Variants in ARID4A observed in about 807,000 individuals in gnomAD.
The protein encoded by ARID4A is AT-rich interaction domain 4A.
Under a neutral mutation model 148.6 loss-of-function variants are expected in ARID4A, and 39 were observed. The observed-to-expected ratio is 0.26, with a 90% CI of 0.20 to 0.34. The LOEUF is 0.34. Among genes scored for constraint, ARID4A ranks in the 10% least tolerant of loss-of-function variants. ARID4A has a pLI of 1.00. For synonymous variants in ARID4A, 475 were observed against 481.2 expected, an observed-to-expected ratio of 0.99 and a Z score of 0.17; for missense variants, 1,265 against 1,449.1, an observed-to-expected ratio of 0.87 and a Z score of 2.06.
Position 58,372,223 on chromosome 14 carries a change from C to G in ARID4A, c.*234C>G. ...TGCCATATTTGTCATAATTTTTCCT[C>G]TTTACTTTTGTTTTTCGTTTGTTGT... On this transcript the variant is annotated 3_prime_UTR_variant, in exon 24 of 24. Coordinates refer to ENST00000355431, the MANE Select transcript of ARID4A (RefSeq NM_002892.4). 1 of 418,656 alleles carries G rather than the reference C, an allele frequency of 2.4e-6. No homozygotes were observed. The highest frequency in any genetic ancestry group is 4.3e-6 in the Non-Finnish European group (1 of 232,932). 25.9% of individuals were successfully genotyped at this position (418,656 alleles called of 1,614,324 possible).
At chr14:58,307,816 G>A (rs557013946) in intron 5 of ARID4A, among the ~76,000 whole-genome samples, 13 of 152,230 alleles carry the variant, frequency 8.5e-5, no homozygotes, top group East Asian at 1.9e-4. Context: ...GCAAAACTGC[G>A]TCTCAAAACA....
intron 23 of ARID4A, among the ~76,000 whole-genome samples, chr14:58,369,663 A>G (rs1254145676): frequency 2.0e-5 from 3 of 151,676 alleles, no homozygotes; most frequent in Non-Finnish European, 4.4e-5. Context: ...ATATAAAGAT[A>G]CATATATAAA....
chr14:58,355,447 AAG>A (rs1331090914), intron 17 of ARID4A, among the ~76,000 whole-genome samples: 1 of 152,234 alleles, frequency 6.6e-6, no homozygotes, highest in East Asian at 1.9e-4. Flanking sequence ...TAAGCACAGT[AAG>A]AGATTAACAA....
At chr14:58,371,809 T>G in intron 23 of ARID4A, 77 bp from the exon 24 acceptor site, 1 of 1,073,664 alleles carries the variant, frequency 9.3e-7, no homozygotes. Flanking sequence ...GTTAAGAATT[T>G]TATTTCTAAT....
intron 21 of ARID4A, 45 bp downstream of exon 21, chr14:58,365,667 T>C: frequency 6.5e-7 from 1 of 1,531,232 alleles, no homozygotes; most frequent in Non-Finnish European, 9.0e-7. Context: ...TTAGTATTTT[T>C]AGCAGTTTGT....
intron 11 of ARID4A, among the ~76,000 whole-genome samples, chr14:58,343,290 T>C (rs2034202098): frequency 6.6e-6 from 1 of 152,254 alleles, no homozygotes; most frequent in Admixed American, 6.5e-5. Flanking sequence ...GGTAAAAGTA[T>C]TTTAGTGTTA....
chr14:58,366,783 A>C, intron 22 of ARID4A, 100 bp from the exon 23 acceptor site: 1 of 930,486 alleles, frequency 1.1e-6, no homozygotes, highest in Non-Finnish European at 1.6e-6. Context: ...AATAAACTAA[A>C]GCTTTTGTTG....
In ARID4A at chr14:58,373,443, GAAT is replaced by G. The variant is rs1226780194; in HGVS notation, c.*1460_*1462del. 1.1e-5 allele frequency: 2 copies of G among 180,290 alleles called. No individual in the cohort carries two copies. Among genetic ancestry groups the G allele is most frequent in the East Asian group, 1.8e-4 (2 of 10,936 alleles). The allele number at this position is 180,290 out of a possible 1,614,324, so 11.2% of individuals were successfully genotyped here. Reference sequence around the variant, plus strand: ...CCTTTTCTGTGTTTAATATGCTGTAGAATAATAACCTAGATGCTCTAGACTGTA... The same window carrying G: ...CCTTTTCTGTGTTTAATATGCTGTAGAATAACCTAGATGCTCTAGACTGTA... On this transcript the variant is annotated 3_prime_UTR_variant, in exon 24 of 24. Transcript: ENST00000355431.
At chr14:58,361,571 A>G (rs1352781774) in intron 19 of ARID4A, among the ~76,000 whole-genome samples, 2 of 152,214 alleles carry the variant, frequency 1.3e-5, no homozygotes, top group Non-Finnish European at 2.9e-5. Context: ...ATGACTTACA[A>G]TTAATACAGT....
intron 3 of ARID4A, among the ~76,000 whole-genome samples, chr14:58,303,189 A>G (rs903036094): frequency 6.6e-6 from 1 of 152,218 alleles, no homozygotes; most frequent in Non-Finnish European, 1.5e-5. Flanking sequence ...ATAATTTTAC[A>G]TATTCATGGG....
At chr14:58,362,413 A>G (rs1311332224) in intron 19 of ARID4A, among the ~76,000 whole-genome samples, 3 of 151,950 alleles carry the variant, frequency 2.0e-5, no homozygotes, top group African/African-American at 7.2e-5. Flanking sequence ...ACATAGTGAG[A>G]CCCCATCTTT....
intron 5 of ARID4A, among the ~76,000 whole-genome samples, chr14:58,309,791 G>T (rs1404103427): frequency 9.9e-5 from 15 of 152,184 alleles, no homozygotes; most frequent in Admixed American, 9.8e-4. Context: ...GTAACAAGAA[G>T]TGCTTAAGAT....
chr14:58,304,865 G>A, intron 3 of ARID4A, 79 bp from the exon 4 acceptor site: 3 of 1,179,174 alleles, frequency 2.5e-6, no homozygotes, highest in Non-Finnish European at 3.7e-6. Flanking sequence ...ATAAATTAAA[G>A]ACATTATTGT....
intron 3 of ARID4A, 75 bp from the exon 4 acceptor site, chr14:58,304,869 T>A: frequency 8.2e-7 from 1 of 1,215,842 alleles, no homozygotes; most frequent in Non-Finnish European, 1.2e-6. Context: ...ATTAAAGACA[T>A]TATTGTTATA....
chr14:58,322,963 C>CCAAAAA (rs1491222874), intron 7 of ARID4A, among the ~76,000 whole-genome samples: 17 of 42,236 alleles, frequency 4.0e-4, no homozygotes, highest in African/African-American at 1.7e-3. Context: ...ACTCCATTTC[C>CCAAAAA]AAAAAAAAAA....
chr14:58,331,014 T>C (rs17094462), intron 11 of ARID4A, among the ~76,000 whole-genome samples: 5 of 152,310 alleles, frequency 3.3e-5, no homozygotes, highest in Middle Eastern at 3.4e-3. Context: ...ATGAAAAATA[T>C]TGGCCTGGAA....
chr14:58,318,682 G>C, intron 6 of ARID4A, 29 bp from the exon 7 acceptor site: 1 of 1,612,908 alleles, frequency 6.2e-7, no homozygotes, highest in Non-Finnish European at 8.5e-7. Flanking sequence ...GAGGTAAAAC[G>C]TAATTTAATT....
At chr14:58,342,837 C>T (rs965374169) in intron 11 of ARID4A, among the ~76,000 whole-genome samples, 10 of 151,942 alleles carry the variant, frequency 6.6e-5, no homozygotes, top group Non-Finnish European at 1.5e-4. Flanking sequence ...CGCTTGAACT[C>T]GGGAGGCAGA....
chr14:58,372,458 TTTGTGGA>T lies in ARID4A; in HGVS notation c.*470_*476del, dbSNP rs2035654190. On this transcript the variant is annotated 3_prime_UTR_variant, in exon 24 of 24. Coordinates refer to ENST00000355431, the MANE Select transcript of ARID4A (RefSeq NM_002892.4). ...TTTTTTCATTATCGTTTTTTTTATT[TTTGTGGA>T]AGCACTTGCTATTTAGAACTGCCAA... The T allele has an allele frequency of 4.4e-6, 1 of 229,838 alleles. No homozygotes were observed. The highest frequency in any genetic ancestry group is 5.6e-5 in the Admixed American group (1 of 17,740). The allele number at this position is 229,838 out of a possible 1,614,324, so 14.2% of individuals were successfully genotyped here.
Sources: gnomAD v4.1 joint callset for allele counts (sites outside exome capture counted in the v4.1 genomes callset) on GRCh38, gnomAD v4.1.1 for gene constraint, MANE v1.5 for transcripts, NCBI Gene and HGNC (gene_info 2026-07-23, HGNC 2026-07-21) for gene names.